Variants in EIF2AK1 observed in about 807,000 individuals in gnomAD.
EIF2AK1 encodes eukaryotic translation initiation factor 2-alpha kinase 1.
In EIF2AK1, 54 loss-of-function variants were observed where a neutral mutation model predicts 77.9. The observed-to-expected ratio is 0.69, with a 90% CI of 0.56 to 0.87. The LOEUF is 0.87. Among genes scored for constraint, EIF2AK1 ranks in the 40% least tolerant of loss-of-function variants. The probability of loss-of-function intolerance (pLI) is 0.00; values close to 1 mark genes in which losing one functional copy is unlikely to be tolerated. For missense variants in EIF2AK1, 810 were observed against 768.6 expected (o/e 1.05, Z -0.64); for synonymous variants, 314 against 290.5 (o/e 1.08, Z -0.82).
At chr7:6,043,958 G>C (rs1004702078) in intron 7 of EIF2AK1, among the ~76,000 whole-genome samples, 5 of 151,384 alleles carry the variant, frequency 3.3e-5, no homozygotes, top group African/African-American at 9.7e-5. Flanking sequence ...AATTAGCCAG[G>C]CGTGGCGGCA....
Position 6,026,932 on chromosome 7 carries a change from C to T in EIF2AK1, c.1560G>A (p.Leu520=). The part of the protein sequence containing the change: ...KSDMYSLGVV[L]LELFQPFGTE... ...TTCCAAACGGCTGAAAGAGCTCTAG[C>T]AGGACCACACCCAAGCTGTACATAT... Residue 520 remains leucine (L), a synonymous_variant, in exon 14 of 15, where the codon CTG becomes CTA. Transcript: ENST00000199389. 1 of 1,614,118 alleles carries T rather than the reference C, an allele frequency of 6.2e-7. No homozygotes were observed. Among genetic ancestry groups the T allele is most frequent in the Non-Finnish European group, 8.5e-7 (1 of 1,180,036 alleles).
chr7:6,022,463 G>A lies in EIF2AK1; in HGVS notation c.*2210C>T, dbSNP rs898304681. 6.6e-6 allele frequency: 1 copy of A among 152,126 alleles called. No individual in the cohort carries two copies. Among genetic ancestry groups the A allele is most frequent in the Non-Finnish European group, 1.5e-5 (1 of 68,016 alleles). 9.4% of individuals were successfully genotyped at this position (152,126 alleles called of 1,614,324 possible). A position where few individuals can be genotyped will look rare whatever the true frequency, so the allele number is the denominator to read the frequency against. On this transcript the variant is annotated 3_prime_UTR_variant, in exon 15 of 15. Transcript: ENST00000199389. ...TAACCCCCCCACTGTTCAAGGGTTA[G>A]CTGTACTATATGATGAGATGTGCAA... is the stretch of plus-strand genomic sequence containing the variant.
At chr7:6,058,851 TG>T in intron 1 of EIF2AK1, 114 bp downstream of exon 1, 1 of 939,548 alleles carries the variant, frequency 1.1e-6, no homozygotes, top group Non-Finnish European at 1.5e-6. Flanking sequence ...GGTTCAACCC[TG>T]GAGGCAGCCA....
intron 1 of EIF2AK1, among the ~76,000 whole-genome samples, chr7:6,058,738 A>T (rs1268108104): frequency 6.6e-6 from 1 of 152,248 alleles, no homozygotes; most frequent in African/African-American, 2.4e-5. Context: ...AAGGAACAGA[A>T]ATGTAAACAA....
rs531359868 is a variant in EIF2AK1 at position 6,040,531 on chromosome 7, T to C, written c.1119+361A>G. ...ATCCCGAATACTGAGCTGCTAATCC[T>C]ACTGGGACTCACCTAAAGTCATGCT... On this transcript the variant is annotated intron_variant, in intron 9 of 14. Transcript: ENST00000199389. 9.2e-5 allele frequency among the ~76,000 whole-genome samples: 14 copies of C among 152,322 alleles called. No homozygotes were observed. In the South Asian group the frequency reaches 2.9e-3, roughly 32 times the overall value.
In EIF2AK1 at chr7:6,024,602, G is replaced by T. The variant is rs1030375343; in HGVS notation, c.*71C>A. On this transcript the variant is annotated 3_prime_UTR_variant, in exon 15 of 15. Coordinates refer to ENST00000199389, the MANE Select transcript of EIF2AK1 (RefSeq NM_014413.4). ...GGCTTACTAAATACAACGAAGCATT[G>T]TACCAACTATACCCTAATAAAGATT... 3 of 1,603,758 alleles carry T rather than the reference G, an allele frequency of 1.9e-6. No individual in the cohort carries two copies. In the African/African-American group the frequency reaches 4.0e-5, roughly 22 times the overall value.
At chr7:6,031,481 A>T (rs1787910150) in intron 11 of EIF2AK1, 1 of 1,550,642 alleles carries the variant, frequency 6.4e-7, no homozygotes, top group Non-Finnish European at 8.7e-7. Flanking sequence ...CTATGAAGCC[A>T]TCATGAGAGA....
At chr7:6,058,883 C>CA in intron 1 of EIF2AK1, 83 bp downstream of exon 1, 1 of 1,284,310 alleles carries the variant, frequency 7.8e-7, no homozygotes, top group Non-Finnish European at 1.0e-6. Flanking sequence ...GGTCCTCAGG[C>CA]AAACCTCAGG....
rs777600343 is a variant in EIF2AK1 at position 6,023,444 on chromosome 7, T to C, written c.*1229A>G. On this transcript the variant is annotated 3_prime_UTR_variant, in exon 15 of 15. Coordinates refer to ENST00000199389, the MANE Select transcript of EIF2AK1 (RefSeq NM_014413.4). Reference sequence around the variant, plus strand: ...ACCCTTATAGATAGCTGGGTAGATATTGCGATTTTTCAGTTAAAAGAGGGA... The same window carrying C: ...ACCCTTATAGATAGCTGGGTAGATACTGCGATTTTTCAGTTAAAAGAGGGA... 10 of 1,614,128 alleles carry C rather than the reference T, an allele frequency of 6.2e-6. No individual in the cohort carries two copies. Among genetic ancestry groups the C allele is most frequent in the Admixed American group, 3.3e-5 (2 of 60,006 alleles).
At chr7:6,045,955 T>G (rs1403277440) in intron 6 of EIF2AK1, 116 bp downstream of exon 6, 1 of 580,968 alleles carries the variant, frequency 1.7e-6, no homozygotes, top group African/African-American at 2.0e-5. Flanking sequence ...CCATTCCTAG[T>G]AAACTGGAAA....
rs763503585 is a variant in EIF2AK1, at chr7:6,048,818, G to C, written c.438C>G (p.Ile146Met). The C allele has an allele frequency of 6.3e-7, 1 of 1,583,052 alleles. No homozygotes were observed. The highest frequency in any genetic ancestry group is 8.5e-7 in the Non-Finnish European group (1 of 1,170,846). ...RQDPCEDISRIQKIRSREVAL... is the reference protein window; with the variant it reads ...RQDPCEDISRMQKIRSREVAL... ...TTTTTCACACATACCTGATTTTCTG[G>C]ATACGAGAAATATCCTCACAAGGAT... Residue 146 changes from isoleucine (I) to methionine (M), a missense_variant, in exon 4 of 15, where the codon ATC (isoleucine) becomes ATG (methionine). Physicochemically the swap from Ile to Met is conservative, Grantham distance 10. This residue lies in a region of EIF2AK1 where 246 missense variants were observed against 199.0 expected (regional missense o/e 1.24). Coordinates refer to ENST00000199389, the MANE Select transcript of EIF2AK1 (RefSeq NM_014413.4).
intron 9 of EIF2AK1, among the ~76,000 whole-genome samples, chr7:6,040,091 AT>A (rs1050532807): frequency 1.3e-5 from 2 of 151,534 alleles, no homozygotes; most frequent in African/African-American, 2.4e-5. Context: ...TTATTTTTTT[AT>A]TTTTTTTGAA....
At chr7:6,040,684 C>T (rs1245842111) in intron 9 of EIF2AK1, among the ~76,000 whole-genome samples, 1 of 151,994 alleles carries the variant, frequency 6.6e-6, no homozygotes, top group Admixed American at 6.6e-5. Context: ...ATGGCCAGGT[C>T]GGGGAGGCCA....
At position 6,035,395 on chromosome 7, in the gene EIF2AK1, C is replaced by T; in HGVS notation, c.1332+2029G>A. On this transcript the variant is annotated intron_variant, in intron 11 of 14. Coordinates refer to ENST00000199389, the MANE Select transcript of EIF2AK1 (RefSeq NM_014413.4). The surrounding 1 kb of genome is among the most constrained non-coding windows in gnomAD (Gnocchi z 5.5). ...TTAAGCATTAACTGTCCACGTAGAG[C>T]CGTTCCCACTGTGAATTCAGTGTAA... The T allele has an allele frequency of 6.7e-7, 1 of 1,487,894 alleles. No individual in the cohort carries two copies. The highest frequency in any genetic ancestry group is 9.1e-7 in the Non-Finnish European group (1 of 1,098,788). The allele number at this position is 1,487,894 out of a possible 1,614,324, so 92.2% of individuals were successfully genotyped here.
In EIF2AK1 at chr7:6,026,950, G is replaced by A. The variant is rs1787764929; in HGVS notation, c.1542C>T (p.Tyr514=). Reference sequence around the variant, plus strand: ...GCTCTAGCAGGACCACACCCAAGCTGTACATATCTGACTGGAAAAAGAAAA... The same window carrying A: ...GCTCTAGCAGGACCACACCCAAGCTATACATATCTGACTGGAAAAAGAAAA... ...GSEYDAKSDM[Y]SLGVVLLELF... The change falls in exon 14 of 15, where the codon TAC becomes TAT. Residue 514 remains tyrosine, a synonymous_variant. Transcript: ENST00000199389. The A allele has an allele frequency of 8.7e-6, 14 of 1,613,734 alleles. No homozygotes were observed. Among genetic ancestry groups the A allele is most frequent in the Non-Finnish European group, 1.2e-5 (14 of 1,179,868 alleles).
chr7:6,038,996 C>T (rs756790375), intron 9 of EIF2AK1, among the ~76,000 whole-genome samples: 2 of 152,056 alleles, frequency 1.3e-5, no homozygotes, highest in South Asian at 2.1e-4. Flanking sequence ...AGAAACTGGT[C>T]CTGAAACTGG....
chr7:6,058,516 G>C (rs1788858617), intron 1 of EIF2AK1, among the ~76,000 whole-genome samples: 1 of 152,050 alleles, frequency 6.6e-6, no homozygotes, highest in Non-Finnish European at 1.5e-5. Flanking sequence ...TGAAGCAAAA[G>C]ACAAGAAAAG....
chr7:6,049,075 C>G (rs999118247), intron 3 of EIF2AK1, among the ~76,000 whole-genome samples: 1 of 152,122 alleles, frequency 6.6e-6, no homozygotes, highest in Non-Finnish European at 1.5e-5. Flanking sequence ...CAGGAGCTCC[C>G]CACCCCTCCT....
rs1562734601 is a variant in EIF2AK1 at position 6,022,953 on chromosome 7, A to T, written c.*1720T>A. 1 of 235,804 alleles carries T rather than the reference A, an allele frequency of 4.2e-6. No individual in the cohort carries two copies. Among genetic ancestry groups the T allele is most frequent in the South Asian group, 9.8e-5 (1 of 10,170 alleles). The allele number at this position is 235,804 out of a possible 1,614,324, so 14.6% of individuals were successfully genotyped here. On this transcript the variant is annotated 3_prime_UTR_variant, in exon 15 of 15. Coordinates refer to ENST00000199389, the MANE Select transcript of EIF2AK1 (RefSeq NM_014413.4). ...GCCCTCAGTCTCACAGAAGGCGATT[A>T]TGAGGCCAAGAGCCTGGGAGATGCA...
Sources: allele counts gnomAD v4.1 joint callset (sites outside exome capture counted in the v4.1 genomes callset), GRCh38; gene constraint gnomAD v4.1.1; regional missense constraint gnomAD v4.1.1; non-coding constraint Gnocchi (gnomAD v3.1); transcripts MANE v1.5; gene names NCBI Gene and HGNC (gene_info 2026-07-23, HGNC 2026-07-21).